The following PTPRD variants were observed in gnomAD, a reference collection of about 807,000 sequenced individuals.
PTPRD encodes protein tyrosine phosphatase receptor type D, also known as receptor-type tyrosine-protein phosphatase delta.
Under a neutral mutation model 214.5 loss-of-function variants are expected in PTPRD, and 34 were observed. That is an observed-to-expected ratio of 0.16 (90% CI 0.12 to 0.21). The LOEUF is 0.21. Ranked by LOEUF, PTPRD falls within the 10% of genes least tolerant of loss-of-function variation. The pLI is 1.00. For missense variants in PTPRD, 2,545 were observed against 2,398.7 expected, an observed-to-expected ratio of 1.06 and a Z score of -1.27; for synonymous variants, 1,128 against 845.7, an observed-to-expected ratio of 1.33 and a Z score of -5.79.
chr9:9,446,099 A>G (rs542909633), intron 8 of PTPRD, among the ~76,000 whole-genome samples: 29 of 152,356 alleles, frequency 1.9e-4, no homozygotes, highest in Non-Finnish European at 3.5e-4. Context: ...AAGAAATGAC[A>G]TAATATTTTG....
At position 8,778,546 on chromosome 9, in the gene PTPRD, C is replaced by A. The variant is rs375532775; in HGVS notation, c.-103-44600G>T. On this transcript the variant is annotated intron_variant, in intron 11 of 45. Coordinates refer to ENST00000381196, the MANE Select transcript of PTPRD (RefSeq NM_002839.4). ...AAGATCACTGGTGTCTTTTTGCTCT[C>A]ATTCTTGCGCTGGGTCCTGGGCCGT... 3.6e-4 allele frequency among the ~76,000 whole-genome samples: 55 copies of A among 152,266 alleles called. 1 individual carries two copies. In the South Asian group the frequency reaches 8.5e-3, roughly 24 times the overall value.
chr9:10,223,975 A>G (rs2099580302), intron 3 of PTPRD, among the ~76,000 whole-genome samples: 1 of 151,664 alleles, frequency 6.6e-6, no homozygotes, highest in African/African-American at 2.4e-5. Flanking sequence ...GCAGAGTTCT[A>G]TATAATATAG....
intron 5 of PTPRD, among the ~76,000 whole-genome samples, chr9:9,843,449 T>G (rs181051448): frequency 2.7e-3 from 405 of 152,044 alleles, no homozygotes; most frequent in Non-Finnish European, 2.9e-3. Context: ...GCCAAGTTAC[T>G]TATATACTCT....
At chr9:9,942,421 C>A (rs566393056) in intron 4 of PTPRD, among the ~76,000 whole-genome samples, 3 of 152,236 alleles carry the variant, frequency 2.0e-5, no homozygotes, top group South Asian at 4.1e-4. Flanking sequence ...ATTTAAAAAA[C>A]CCCTTTACCT....
In PTPRD at chr9:9,325,622, A is replaced by G. The variant is rs565490366; in HGVS notation, c.-203+71827T>C. Among the ~76,000 whole-genome samples, 784 of 152,272 alleles carry G rather than the reference A, an allele frequency of 5.1e-3. 4 individuals carry two copies. Among genetic ancestry groups the G allele is most frequent in the Admixed American group, 7.4e-3 (113 of 15,280 alleles). Reference sequence around the variant, plus strand: ...GACAATGGGGTTTTCTAGATATACAATCATGTCATCTGCAAACAAGGACAA... The same window carrying G: ...GACAATGGGGTTTTCTAGATATACAGTCATGTCATCTGCAAACAAGGACAA... On this transcript the variant is annotated intron_variant, in intron 9 of 45. Transcript: ENST00000381196.
At chr9:9,307,998 T>C (rs1957676290) in intron 9 of PTPRD, among the ~76,000 whole-genome samples, 1 of 152,166 alleles carries the variant, frequency 6.6e-6, no homozygotes, top group African/African-American at 2.4e-5. Context: ...TATTCAAATG[T>C]CATCTAACTG....
In PTPRD at chr9:8,735,000, T is replaced by A. The variant is rs76332810; in HGVS notation, c.-103-1054A>T. On this transcript the variant is annotated intron_variant, in intron 11 of 45. Transcript: ENST00000381196. ...CCTGAGTTTCCTGGTTTGGTTGGAA[T>A]AGGGCCTCCCAAAGGTCAGCATGCA... Among the ~76,000 whole-genome samples the A allele has an allele frequency of 2.0e-3, 310 of 152,210 alleles. 8 individuals carry two copies. The East Asian group carries it at 0.056, about 27-fold the overall frequency.
At chr9:10,361,041 G>T (rs1019940903) in intron 2 of PTPRD, among the ~76,000 whole-genome samples, 1 of 152,146 alleles carries the variant, frequency 6.6e-6, no homozygotes, top group African/African-American at 2.4e-5. Context: ...GGCGGAGCTT[G>T]TAGTGAGCCG....
rs115926852 is a variant in PTPRD at position 9,652,193 on chromosome 9, C to T, written c.-286-77412G>A. 6.4e-3 allele frequency among the ~76,000 whole-genome samples: 975 copies of T among 152,120 alleles called. 8 individuals carry two copies. Among genetic ancestry groups the T allele is most frequent in the African/African-American group, 0.023 (942 of 41,510 alleles). Reference sequence around the variant, plus strand: ...AAAGTCATGCCTCAAAGCCTTTCTGCTCTATTACCAGTGTATCCTTGTCTT... The same window carrying T: ...AAAGTCATGCCTCAAAGCCTTTCTGTTCTATTACCAGTGTATCCTTGTCTT... On this transcript the variant is annotated intron_variant, in intron 7 of 45. Coordinates refer to ENST00000381196, the MANE Select transcript of PTPRD (RefSeq NM_002839.4).
At chr9:10,360,324 T>C (rs1360361995) in intron 2 of PTPRD, among the ~76,000 whole-genome samples, 1 of 152,250 alleles carries the variant, frequency 6.6e-6, no homozygotes, top group Non-Finnish European at 1.5e-5. Context: ...TTTAAGTACA[T>C]CACAAAACTC....
At chr9:10,022,741 C>A (rs1589115219) in intron 4 of PTPRD, among the ~76,000 whole-genome samples, 2 of 152,054 alleles carry the variant, frequency 1.3e-5, no homozygotes, top group South Asian at 4.1e-4. Flanking sequence ...TTTATTTTAG[C>A]CACTAGAATG....
intron 3 of PTPRD, among the ~76,000 whole-genome samples, chr9:10,127,165 C>T (rs1416598885): frequency 6.6e-6 from 1 of 150,674 alleles, no homozygotes; most frequent in African/African-American, 2.4e-5. Context: ...TATCCTGAGC[C>T]CCATGTGTTC....
At position 8,713,707 on chromosome 9, in the gene PTPRD, G is replaced by A. The variant is rs549480198; in HGVS notation, c.64+20073C>T. The A allele has an allele frequency of 2.6e-6, 4 of 1,509,662 alleles. No individual in the cohort carries two copies. In the African/African-American group the frequency reaches 5.5e-5, roughly 21 times the overall value. 93.5% of individuals were successfully genotyped at this position (1,509,662 alleles called of 1,614,324 possible). ...TCAGATCATGATGGTGGAAGAGATCGCGGCCAGCAAGTGACGCCGGCAGGC... is the reference window on the plus strand; with the variant it reads ...TCAGATCATGATGGTGGAAGAGATCACGGCCAGCAAGTGACGCCGGCAGGC... On this transcript the variant is annotated intron_variant, in intron 12 of 45. Coordinates refer to ENST00000381196, the MANE Select transcript of PTPRD (RefSeq NM_002839.4).
intron 35 of PTPRD, among the ~76,000 whole-genome samples, chr9:8,418,311 T>G (rs1589894206): frequency 6.6e-6 from 1 of 152,242 alleles, no homozygotes; most frequent in Admixed American, 6.5e-5. Context: ...CCTGGAGCTT[T>G]CTCTTACATG....
intron 35 of PTPRD, among the ~76,000 whole-genome samples, chr9:8,409,270 A>T (rs1329377549): frequency 6.6e-6 from 1 of 152,186 alleles, no homozygotes; most frequent in Non-Finnish European, 1.5e-5. Context: ...TAACTTTCTC[A>T]GGGTCAAACA....
chr9:9,584,771 C>T (rs530002106), intron 7 of PTPRD, among the ~76,000 whole-genome samples: 25 of 152,010 alleles, frequency 1.6e-4, no homozygotes, highest in Non-Finnish European at 2.9e-5. Flanking sequence ...TTCTCATTCT[C>T]CCCTTTATCT....
intron 9 of PTPRD, among the ~76,000 whole-genome samples, chr9:9,299,634 C>T (rs574583743): frequency 6.6e-6 from 1 of 151,728 alleles, no homozygotes; most frequent in Non-Finnish European, 1.5e-5. Flanking sequence ...CCATACACAT[C>T]TTAATGATTA....
rs558077785 is a variant in PTPRD, at chr9:9,001,924, T to C, written c.-104+16773A>G. On this transcript the variant is annotated intron_variant, in intron 11 of 45. Coordinates refer to ENST00000381196, the MANE Select transcript of PTPRD (RefSeq NM_002839.4). ...ATGCAATAAGCACCTATCTAGTTTC[T>C]GCCCACCTGGCTTCCAATATGCAAT... Among the ~76,000 whole-genome samples the C allele has an allele frequency of 6.9e-4, 103 of 148,330 alleles. 1 individual carries two copies. The highest frequency in any genetic ancestry group is 2.4e-3 in the African/African-American group (98 of 40,738).
At chr9:9,159,860 C>T (rs375358508) in intron 10 of PTPRD, among the ~76,000 whole-genome samples, 5 of 152,074 alleles carry the variant, frequency 3.3e-5, no homozygotes, top group African/African-American at 7.2e-5. Flanking sequence ...ACAGACACAT[C>T]GACCAACAAA....
Sources: allele counts gnomAD v4.1 joint callset (sites outside exome capture counted in the v4.1 genomes callset), GRCh38; gene constraint gnomAD v4.1.1; transcripts MANE v1.5; gene names NCBI Gene and HGNC (gene_info 2026-07-23, HGNC 2026-07-21).